Variants in EXOC4 observed in about 807,000 individuals in gnomAD.
EXOC4 encodes SEC8-like 1.
EXOC4 carries 71 observed loss-of-function variants against 107.2 expected under a neutral mutation model. The observed-to-expected ratio is 0.66, with a 90% CI of 0.55 to 0.81. The LOEUF (loss-of-function observed/expected upper bound fraction) is 0.81. Among genes scored for constraint, EXOC4 ranks in the 30% least tolerant of loss-of-function variants. The pLI, the probability that EXOC4 is intolerant of heterozygous loss-of-function variation, is 0.00. For missense variants in EXOC4, 1,108 were observed against 1,189.6 expected (o/e 0.93, Z 1.01); for synonymous variants, 456 against 441.2 (o/e 1.03, Z -0.42).
chr7:133,768,940 G>T (rs1796191338), intron 10 of EXOC4, among the ~76,000 whole-genome samples: 1 of 151,960 alleles, frequency 6.6e-6, no homozygotes, highest in African/African-American at 2.4e-5. Flanking sequence ...CACTTAAACT[G>T]AGTCTTTCAG....
intron 10 of EXOC4, among the ~76,000 whole-genome samples, chr7:133,745,455 A>G (rs1795653787): frequency 6.6e-6 from 1 of 152,138 alleles, no homozygotes. Flanking sequence ...AATGACTAAC[A>G]TATAGGAAGT....
intron 10 of EXOC4, among the ~76,000 whole-genome samples, chr7:133,815,964 T>C (rs1203142778): frequency 6.6e-6 from 1 of 152,234 alleles, no homozygotes; most frequent in Non-Finnish European, 1.5e-5. Flanking sequence ...AAATGCCACA[T>C]GGATTTATCA....
At chr7:133,989,351 A>G (rs552331619) in intron 14 of EXOC4, among the ~76,000 whole-genome samples, 1 of 152,316 alleles carries the variant, frequency 6.6e-6, no homozygotes, top group South Asian at 2.1e-4. Flanking sequence ...CATTAATCAA[A>G]TAAGGTTTAG....
intron 1 of EXOC4, among the ~76,000 whole-genome samples, chr7:133,265,215 C>G (rs1793698169): frequency 6.6e-6 from 1 of 151,966 alleles, no homozygotes; most frequent in South Asian, 2.1e-4. Flanking sequence ...AACTAGTGAA[C>G]TCTTCAGCAT....
At chr7:134,059,000 A>G (rs191881924) in intron 17 of EXOC4, among the ~76,000 whole-genome samples, 3 of 152,318 alleles carry the variant, frequency 2.0e-5, no homozygotes, top group African/African-American at 7.2e-5. Flanking sequence ...ACCCAGCATG[A>G]GACGTAGCTG....
intron 10 of EXOC4, among the ~76,000 whole-genome samples, chr7:133,764,810 G>A (rs987646429): frequency 2.6e-5 from 4 of 152,028 alleles, no homozygotes; most frequent in Admixed American, 2.6e-4. Context: ...GATGATGTCT[G>A]TTATACATAT....
At chr7:134,034,798 T>G (rs1795351058) in intron 17 of EXOC4, among the ~76,000 whole-genome samples, 1 of 152,212 alleles carries the variant, frequency 6.6e-6, no homozygotes, top group Non-Finnish European at 1.5e-5. Flanking sequence ...AATATAATCC[T>G]TAGCATCACT....
chr7:133,824,384 T>A (rs1383877883), intron 11 of EXOC4, among the ~76,000 whole-genome samples: 1 of 152,088 alleles, frequency 6.6e-6, no homozygotes, highest in Admixed American at 6.5e-5. Flanking sequence ...GCTTGCTGTT[T>A]ACGCACCTTC....
intron 3 of EXOC4, among the ~76,000 whole-genome samples, chr7:133,297,948 C>T (rs753790292): frequency 5.3e-5 from 8 of 152,166 alleles, no homozygotes; most frequent in Admixed American, 2.0e-4. Flanking sequence ...ACCTCACATA[C>T]GACCTTTCTT....
chr7:133,669,520 CTT>C lies in EXOC4; in HGVS notation c.1514+39383_1514+39384del, dbSNP rs1301825620. ...AATCATGGAAAGTTTAGAATGGAAACTTTTTAATTTTAGAAACCAATTAAATA... is the reference window on the plus strand; with the variant it reads ...AATCATGGAAAGTTTAGAATGGAAACTTTAATTTTAGAAACCAATTAAATA... On this transcript the variant is annotated intron_variant, in intron 10 of 17. Coordinates refer to ENST00000253861, the MANE Select transcript of EXOC4 (RefSeq NM_021807.4). Among the ~76,000 whole-genome samples, 6 of 152,178 alleles carry C rather than the reference CTT, an allele frequency of 3.9e-5. No individual in the cohort carries two copies. The East Asian group carries it at 1.2e-3, about 29-fold the overall frequency.
At chr7:133,336,773 C>T (rs1222156077) in intron 5 of EXOC4, among the ~76,000 whole-genome samples, 1 of 149,592 alleles carries the variant, frequency 6.7e-6, no homozygotes. Context: ...CTTGCTCTGT[C>T]GCCAGGCTGG....
intron 11 of EXOC4, among the ~76,000 whole-genome samples, chr7:133,874,517 C>T (rs1453755870): frequency 6.6e-6 from 1 of 152,170 alleles, no homozygotes; most frequent in Non-Finnish European, 1.5e-5. Flanking sequence ...ACACTCTCTC[C>T]CTCAAACAGT....
At chr7:133,977,866 G>A (rs1793880024) in intron 14 of EXOC4, among the ~76,000 whole-genome samples, 1 of 152,152 alleles carries the variant, frequency 6.6e-6, no homozygotes, top group Non-Finnish European at 1.5e-5. Context: ...GACTAAGGAA[G>A]CAGGGAAGGC....
At chr7:133,763,701 GGAA>G (rs1562987647) in intron 10 of EXOC4, among the ~76,000 whole-genome samples, 3 of 32,354 alleles carry the variant, frequency 9.3e-5, no homozygotes, top group Non-Finnish European at 1.7e-4. Flanking sequence ...TAGCCAAAAA[GGAA>G]AAAAAAAAAA....
chr7:133,440,078 C>T (rs533021609), intron 7 of EXOC4, among the ~76,000 whole-genome samples: 29 of 152,116 alleles, frequency 1.9e-4, no homozygotes, highest in Middle Eastern at 3.4e-3. Flanking sequence ...TACTGGCAAC[C>T]CTCTCCCACC....
At chr7:133,755,724 T>C (rs1176458299) in intron 10 of EXOC4, among the ~76,000 whole-genome samples, 2 of 152,184 alleles carry the variant, frequency 1.3e-5, no homozygotes, top group African/African-American at 4.8e-5. Flanking sequence ...CACTAGGTTC[T>C]GTGCGCATAG....
chr7:133,444,967 G>T (rs546776303), intron 7 of EXOC4, among the ~76,000 whole-genome samples: 2 of 152,228 alleles, frequency 1.3e-5, no homozygotes, highest in African/African-American at 4.8e-5. Context: ...TTAACAACAC[G>T]TAAGATTCTT....
chr7:133,265,591 G>A (rs1267223663), intron 1 of EXOC4, among the ~76,000 whole-genome samples: 1 of 152,154 alleles, frequency 6.6e-6, no homozygotes, highest in Admixed American at 6.5e-5. Context: ...ATTGTGCTCT[G>A]TAGAGCTGTT....
At chr7:133,672,533 G>A (rs1396351216) in intron 10 of EXOC4, among the ~76,000 whole-genome samples, 1 of 152,118 alleles carries the variant, frequency 6.6e-6, no homozygotes, top group African/African-American at 2.4e-5. Context: ...AAACTTGAAA[G>A]CCATCAACAT....
Sources: gnomAD v4.1 joint callset for allele counts (sites outside exome capture counted in the v4.1 genomes callset) on GRCh38, gnomAD v4.1.1 for gene constraint, MANE v1.5 for transcripts, NCBI Gene and HGNC (gene_info 2026-07-23, HGNC 2026-07-21) for gene names.